Variants in PRKN observed in about 807,000 individuals in gnomAD.
The protein encoded by PRKN is parkin RBR E3 ubiquitin protein ligase.
In PRKN, 56 loss-of-function variants were observed where a neutral mutation model predicts 59.5. The observed-to-expected ratio is 0.94, with a 90% confidence interval of 0.76 to 1.18. PRKN has a LOEUF of 1.18. Ranked by LOEUF, PRKN falls within the 50% of genes most tolerant of loss-of-function variation. PRKN has a pLI of 0.00. For missense variants in PRKN, 657 were observed against 596.4 expected, an observed-to-expected ratio of 1.10 and a Z score of -1.06; for synonymous variants, 250 against 222.1, an observed-to-expected ratio of 1.13 and a Z score of -1.12.
At chr6:161,731,733 G>C (rs1166409483) in intron 7 of PRKN, among the ~76,000 whole-genome samples, 5 of 152,142 alleles carry the variant, frequency 3.3e-5, no homozygotes, top group Non-Finnish European at 5.9e-5. Context: ...GAAGAAGACA[G>C]AGAAATGCAA....
intron 1 of PRKN, among the ~76,000 whole-genome samples, chr6:162,472,820 T>C: frequency 6.9e-6 from 1 of 144,978 alleles, no homozygotes; most frequent in African/African-American, 2.5e-5. Context: ...ATATATATCT[T>C]AGTAGAAGTT....
At chr6:161,950,749 A>G (rs915628500) in intron 6 of PRKN, among the ~76,000 whole-genome samples, 3 of 152,126 alleles carry the variant, frequency 2.0e-5, no homozygotes, top group African/African-American at 7.2e-5. Flanking sequence ...AAACATTTAA[A>G]TATTTACACA....
intron 1 of PRKN, among the ~76,000 whole-genome samples, chr6:162,704,723 T>C (rs1470653329): frequency 1.3e-5 from 2 of 152,188 alleles, no homozygotes; most frequent in Admixed American, 6.5e-5. Flanking sequence ...TTAGGGATGA[T>C]GAAAACTACT....
chr6:161,965,170 A>T (rs1437650785), intron 6 of PRKN, among the ~76,000 whole-genome samples: 2 of 152,190 alleles, frequency 1.3e-5, no homozygotes, highest in East Asian at 3.9e-4. Context: ...CCCCAGGCCC[A>T]AGTAAATCTT....
chr6:162,067,462 A>G (rs1055536258), intron 4 of PRKN, among the ~76,000 whole-genome samples: 20 of 152,216 alleles, frequency 1.3e-4, no homozygotes, highest in South Asian at 4.1e-4. Context: ...CAAAAGTAAA[A>G]TATTACTTAT....
chr6:161,574,978 C>T (rs895376637), intron 7 of PRKN, among the ~76,000 whole-genome samples: 1 of 152,124 alleles, frequency 6.6e-6, no homozygotes, highest in African/African-American at 2.4e-5. Flanking sequence ...TCCTGCTGTC[C>T]TTGGAAATTT....
At chr6:161,368,266 T>C (rs1455310963) in intron 10 of PRKN, among the ~76,000 whole-genome samples, 1 of 146,350 alleles carries the variant, frequency 6.8e-6, no homozygotes, top group Non-Finnish European at 1.5e-5. Flanking sequence ...ATACATATAA[T>C]ATTTATATAT....
Position 161,376,649 on chromosome 6 carries a change from G to A in PRKN, c.1167+10145C>T, listed in dbSNP as rs12213394. Among the ~76,000 whole-genome samples the A allele has an allele frequency of 0.068, 10,295 of 152,160 alleles. 398 individuals are homozygous for A. Among genetic ancestry groups the A allele is most frequent in the Non-Finnish European group, 0.091 (6,184 of 68,000 alleles). ...GACTGAGGTCACACCGTCACATCAC[G>A]GCGATAGGGCAGCTCACGCCCAGTG... On this transcript the variant is annotated intron_variant, in intron 10 of 11. Transcript: ENST00000366898. The surrounding 1 kb of genome is among the most constrained non-coding windows in gnomAD (Gnocchi z 7.3).
intron 1 of PRKN, among the ~76,000 whole-genome samples, chr6:162,720,379 G>A (rs913964837): frequency 6.6e-6 from 1 of 150,974 alleles, no homozygotes; most frequent in African/African-American, 2.4e-5. Context: ...GTAAATTGGA[G>A]AGAATCATCA....
At chr6:161,770,503 T>A (rs1789620621) in intron 7 of PRKN, among the ~76,000 whole-genome samples, 1 of 152,020 alleles carries the variant, frequency 6.6e-6, no homozygotes, top group African/African-American at 2.4e-5. Flanking sequence ...AGTTTCATTC[T>A]GTCACCCAGG....
chr6:161,725,370 G>C (rs577497270), intron 7 of PRKN, among the ~76,000 whole-genome samples: 13 of 152,280 alleles, frequency 8.5e-5, no homozygotes, highest in African/African-American at 3.1e-4. Context: ...ACAAATAAAA[G>C]TAAGAACTAC....
At chr6:162,304,830 T>C (rs1457532915) in intron 2 of PRKN, among the ~76,000 whole-genome samples, 2 of 138,252 alleles carry the variant, frequency 1.4e-5, no homozygotes, top group Non-Finnish European at 3.3e-5. Context: ...CTGCCAGATG[T>C]GAGTGCCAGG....
intron 9 of PRKN, among the ~76,000 whole-genome samples, chr6:161,540,672 C>G (rs1455824112): frequency 2.0e-5 from 3 of 152,194 alleles, no homozygotes; most frequent in Non-Finnish European, 4.4e-5. Context: ...TCCCAAGTTG[C>G]TTCATAAAAC....
At chr6:162,115,536 A>C (rs1780633667) in intron 4 of PRKN, among the ~76,000 whole-genome samples, 1 of 145,592 alleles carries the variant, frequency 6.9e-6, no homozygotes, top group Admixed American at 6.9e-5. Flanking sequence ...ATAAATAAAA[A>C]TTTGACATGT....
rs879734226 is a variant in PRKN at position 161,409,211 on chromosome 6, T to C, written c.1084-22334A>G. 1.7e-4 allele frequency among the ~76,000 whole-genome samples: 26 copies of C among 152,188 alleles called. No homozygotes were observed. The highest frequency in any genetic ancestry group is 2.5e-4 in the Non-Finnish European group (17 of 68,042). ...CACCCGCACTGGACTCCCAAACTGC[T>C]GGGATTACAGGTGTGAGCCACCACC... On this transcript the variant is annotated intron_variant, in intron 9 of 11. Coordinates refer to ENST00000366898, the MANE Select transcript of PRKN (RefSeq NM_004562.3). This position sits in a 1 kb window ranked among gnomAD's most constrained non-coding sequence, Gnocchi z 4.6.
Position 162,188,457 on chromosome 6 carries a change from A to C in PRKN, c.534+12674T>G, listed in dbSNP as rs572679878. Among the ~76,000 whole-genome samples, 47 of 152,104 alleles carry C rather than the reference A, an allele frequency of 3.1e-4. 2 individuals are homozygous for C. In the South Asian group the frequency reaches 8.9e-3, roughly 29 times the overall value. ...ATTCCACAAAGAAGGCCCTGTGTAC[A>C]CTCTGCCTTTTCCTTCTCTACAGTC... On this transcript the variant is annotated intron_variant, in intron 4 of 11. Transcript: ENST00000366898.
At chr6:162,188,365 C>T (rs912950346) in intron 4 of PRKN, among the ~76,000 whole-genome samples, 5 of 152,150 alleles carry the variant, frequency 3.3e-5, no homozygotes, top group Admixed American at 2.6e-4. Flanking sequence ...GTGGCTGCCA[C>T]ACCTGCTCGC....
intron 2 of PRKN, among the ~76,000 whole-genome samples, chr6:162,306,887 A>G (rs1208262506): frequency 6.6e-6 from 1 of 152,180 alleles, no homozygotes; most frequent in East Asian, 1.9e-4. Context: ...GATGCTACCG[A>G]TGGACACGAT....
intron 1 of PRKN, among the ~76,000 whole-genome samples, chr6:162,584,906 TC>T (rs1780982909): frequency 1.0e-5 from 1 of 98,262 alleles, no homozygotes; most frequent in Non-Finnish European, 2.1e-5. Context: ...CCTCTCCTCT[TC>T]TCTTTTCTTT....
Sources: gnomAD v4.1 joint callset for allele counts (sites outside exome capture counted in the v4.1 genomes callset) on GRCh38, gnomAD v4.1.1 for gene constraint, Gnocchi (gnomAD v3.1) non-coding constraint, MANE v1.5 for transcripts, NCBI Gene and HGNC (gene_info 2026-07-23, HGNC 2026-07-21) for gene names.